SLC25A36: variants seen among roughly 807,000 people sequenced by gnomAD.
SLC25A36 encodes the protein epididymis secretory sperm binding protein.
SLC25A36 carries 24 observed loss-of-function variants against 35.3 expected under a neutral mutation model. The ratio of observed to expected loss-of-function variants is 0.68; its 90% CI spans 0.49 to 0.96. The LOEUF (loss-of-function observed/expected upper bound fraction) is 0.96, where lower values mean the gene tolerates loss of function less well. Ranked by LOEUF, SLC25A36 falls within the 40% of genes least tolerant of loss-of-function variation. The pLI is 0.00. For synonymous variants in SLC25A36, 141 were observed against 132.2 expected, an observed-to-expected ratio of 1.07 and a Z score of -0.46; for missense variants, 294 against 381.1, an observed-to-expected ratio of 0.77 and a Z score of 1.90.
At chr3:140,967,901 G>T in intron 4 of SLC25A36, 3 of 794,468 alleles carry the variant, frequency 3.8e-6, no homozygotes, top group Non-Finnish European at 4.6e-6. Flanking sequence ...TCATTTTCAT[G>T]TTTCACTAGG....
chr3:140,968,918 A>G (rs1279228089), intron 4 of SLC25A36, among the ~76,000 whole-genome samples: 4 of 151,808 alleles, frequency 2.6e-5, no homozygotes, highest in Non-Finnish European at 5.9e-5. Flanking sequence ...TAAAAAGCAA[A>G]TAGTTTTTCT....
rs992004994 is a variant in SLC25A36, at chr3:140,968,112, G to A, written c.386-2815G>A. The A allele has an allele frequency of 8.1e-6, 8 of 984,546 alleles. No homozygotes were observed. In the African/African-American group the frequency reaches 1.0e-4, roughly 13 times the overall value. The allele number at this position is 984,546 out of a possible 1,614,324, so 61.0% of individuals were successfully genotyped here. ...CTTACCATATATAATGCTAAGTTAC[G>A]ATAAATTTTTGTTTTTTTCCATTGG... On this transcript the variant is annotated intron_variant, in intron 4 of 6. Coordinates refer to ENST00000324194, the MANE Select transcript of SLC25A36 (RefSeq NM_001104647.3).
chr3:140,967,175 C>G (rs965920277), intron 4 of SLC25A36: 25 of 405,596 alleles, frequency 6.2e-5, no homozygotes, highest in Non-Finnish European at 1.2e-4. Context: ...AGTCTGATTC[C>G]TTTATAATAT....
chr3:140,964,613 C>G (rs1291860900), intron 4 of SLC25A36: 1 of 151,838 alleles, frequency 6.6e-6, no homozygotes, highest in Non-Finnish European at 1.5e-5. Context: ...TGGCCAGTGA[C>G]AAACCTTATA....
intron 4 of SLC25A36, among the ~76,000 whole-genome samples, chr3:140,967,383 T>G (rs1461380746): frequency 6.6e-6 from 1 of 151,964 alleles, no homozygotes; most frequent in African/African-American, 2.4e-5. Context: ...TTTAAAAGCC[T>G]AATACAATGC....
intron 5 of SLC25A36, among the ~76,000 whole-genome samples, chr3:140,971,903 G>A (rs550640254): frequency 5.8e-4 from 89 of 152,176 alleles, no homozygotes; most frequent in South Asian, 1.5e-3. Flanking sequence ...TAGGCTTTAG[G>A]TAAAACTGAT....
intron 1 of SLC25A36, among the ~76,000 whole-genome samples, chr3:140,947,622 A>G (rs927454271): frequency 3.3e-5 from 5 of 152,158 alleles, no homozygotes; most frequent in African/African-American, 1.2e-4. Context: ...ATGTTTATCT[A>G]AGTTGGCTAA....
intron 1 of SLC25A36, chr3:140,942,501 A>G (rs570448881): frequency 1.8e-3 from 289 of 162,866 alleles, no homozygotes; most frequent in Non-Finnish European, 3.1e-3. Context: ...GCACGCCGCA[A>G]TCTAGCAGGC....
chr3:140,950,328 T>C (rs544378732), intron 1 of SLC25A36, among the ~76,000 whole-genome samples: 57 of 151,986 alleles, frequency 3.8e-4, no homozygotes, highest in African/African-American at 1.4e-3. Context: ...TACTCATACT[T>C]GAACATTTGT....
intron 4 of SLC25A36, chr3:140,965,116 G>GCT (rs1379321146): frequency 1.3e-5 from 2 of 151,704 alleles, no homozygotes; most frequent in African/African-American, 4.8e-5. Context: ...TGAGAACTGT[G>GCT]CTCTCAGAGC....
intron 1 of SLC25A36, among the ~76,000 whole-genome samples, chr3:140,945,922 A>G (rs145833127): frequency 5.9e-4 from 90 of 152,210 alleles, no homozygotes; most frequent in African/African-American, 1.4e-3. Context: ...TGCAGGCTAC[A>G]CTAGCTTCTT....
intron 1 of SLC25A36, among the ~76,000 whole-genome samples, chr3:140,949,286 A>G (rs932396731): frequency 3.3e-5 from 5 of 152,238 alleles, no homozygotes; most frequent in Admixed American, 2.0e-4. Context: ...AACTCTAAAA[A>G]GTTTGGCTTT....
At chr3:140,961,593 C>A (rs1012809404) in intron 3 of SLC25A36, among the ~76,000 whole-genome samples, 3 of 152,006 alleles carry the variant, frequency 2.0e-5, no homozygotes, top group Non-Finnish European at 4.4e-5. Context: ...GAGTGGCTCA[C>A]ACCTGTAATC....
chr3:140,942,442 C>T (rs1279614786), intron 1 of SLC25A36: 7 of 201,380 alleles, frequency 3.5e-5, no homozygotes. Context: ...GAGACGCGGG[C>T]AAGAGCTGGG....
intron 1 of SLC25A36, among the ~76,000 whole-genome samples, chr3:140,954,264 A>G (rs1934418095): frequency 6.6e-6 from 1 of 152,206 alleles, no homozygotes; most frequent in South Asian, 2.1e-4. Context: ...TCTATTATAT[A>G]GTTGTACCAC....
In SLC25A36 at chr3:140,942,060, C is replaced by T. The variant is rs750311567; in HGVS notation, c.6C>T (p.Ser2=). The change falls in exon 1 of 7, where the codon AGC becomes AGT. Residue 2 remains serine (S), a synonymous_variant. Coordinates refer to ENST00000324194, the MANE Select transcript of SLC25A36 (RefSeq NM_001104647.3). ...GAGGACATGCGGGAGAGAGAATGAGCCAGAGGGACACGCTGGTGCATCTGT... is the reference window on the plus strand; with the variant it reads ...GAGGACATGCGGGAGAGAGAATGAGTCAGAGGGACACGCTGGTGCATCTGT... The part of the protein sequence containing the change: M[S]QRDTLVHLFA... 1.5e-5 allele frequency: 23 copies of T among 1,490,128 alleles called. No individual in the cohort carries two copies. The highest frequency in any genetic ancestry group is 2.4e-4 in the Middle Eastern group (1 of 4,242). 92.3% of individuals were successfully genotyped at this position (1,490,128 alleles called of 1,614,324 possible).
intron 1 of SLC25A36, chr3:140,942,842 G>A (rs1934053567): frequency 6.6e-6 from 1 of 152,240 alleles, no homozygotes. Context: ...TTTTCCAGGT[G>A]GTGAATGGGG....
intron 3 of SLC25A36, among the ~76,000 whole-genome samples, chr3:140,960,415 G>A (rs1002919926): frequency 6.6e-6 from 1 of 152,134 alleles, no homozygotes; most frequent in African/African-American, 2.4e-5. Context: ...CTGTCCTGCT[G>A]TGCGCTCCAC....
chr3:140,975,904 C>T (rs1424891783), intron 6 of SLC25A36, among the ~76,000 whole-genome samples: 2 of 152,154 alleles, frequency 1.3e-5, no homozygotes, highest in African/African-American at 4.8e-5. Flanking sequence ...CTCACTGTAT[C>T]CTTTTTATAT....
Sources: allele counts gnomAD v4.1 joint callset (sites outside exome capture counted in the v4.1 genomes callset), GRCh38; gene constraint gnomAD v4.1.1; transcripts MANE v1.5; gene names NCBI Gene and HGNC (gene_info 2026-07-23, HGNC 2026-07-21).